UBTF: variants seen among roughly 807,000 people sequenced by gnomAD.
UBTF encodes the protein nucleolar transcription factor 1.
UBTF carries 8 observed loss-of-function variants against 112.3 expected under a neutral mutation model. The observed-to-expected ratio is 0.07, with a 90% CI of 0.04 to 0.13. UBTF has a LOEUF of 0.13. UBTF is among the 10% of genes least tolerant of loss of function. The pLI is 1.00. For missense variants in UBTF, 457 were observed against 982.1 expected (o/e 0.47, Z 7.15); for synonymous variants, 417 against 373.1 (o/e 1.12, Z -1.36).
rs372881472 is a variant in UBTF at position 44,213,204 on chromosome 17, C to A, written c.539+14G>T. 2.3e-5 allele frequency: 37 copies of A among 1,612,212 alleles called. No individual in the cohort carries two copies. The highest frequency in any genetic ancestry group is 2.7e-5 in the Non-Finnish European group (32 of 1,179,016). ...CAGTGCCCCGTGGCCCTCCTCTGGG[C>A]TCCACTGCCTTACCTGAATCGGGCC... On this transcript the variant is annotated intron_variant, in intron 6 of 20. Coordinates refer to ENST00000436088, the MANE Select transcript of UBTF (RefSeq NM_014233.4).
At position 44,211,780 on chromosome 17, in the gene UBTF, G is replaced by C. The variant is rs1395902074; in HGVS notation, c.906-33C>G. 1.3e-6 allele frequency: 2 copies of C among 1,599,932 alleles called. No individual in the cohort carries two copies. The highest frequency in any genetic ancestry group is 1.7e-6 in the Non-Finnish European group (2 of 1,175,114). On this transcript the variant is annotated intron_variant, in intron 9 of 20. Coordinates refer to ENST00000436088, the MANE Select transcript of UBTF (RefSeq NM_014233.4). The surrounding 1 kb of genome is among the most constrained non-coding windows in gnomAD (Gnocchi z 4.9). The stretch of plus-strand genomic sequence containing the variant: ...AGCCGCGGGGAGAGAGGTGCAGCCC[G>C]TAAGCGAGCAGGGCAGCAGGCCTTC...
intron 5 of UBTF, among the ~76,000 whole-genome samples, chr17:44,213,996 C>G (rs904919325): frequency 1.3e-5 from 2 of 152,108 alleles, no homozygotes; most frequent in Non-Finnish European, 2.9e-5. Context: ...TCCCCACTCT[C>G]ACCTCACTCC....
chr17:44,216,368 C>T (rs1017072714), intron 3 of UBTF, 161 bp downstream of exon 3: 29 of 823,840 alleles, frequency 3.5e-5, no homozygotes, highest in Admixed American at 1.6e-4. Flanking sequence ...TGCTGTCAAC[C>T]GTGCCACCTC....
In UBTF at chr17:44,211,810, CT is replaced by C. The variant is rs2056697826; in HGVS notation, c.905+62del. 1.2e-6 allele frequency: 2 copies of C among 1,600,672 alleles called. No individual in the cohort carries two copies. The highest frequency in any genetic ancestry group is 4.5e-5 in the East Asian group (2 of 44,706). On this transcript the variant is annotated intron_variant, in intron 9 of 20. Coordinates refer to ENST00000436088, the MANE Select transcript of UBTF (RefSeq NM_014233.4). The surrounding 1 kb of genome is among the most constrained non-coding windows in gnomAD (Gnocchi z 4.9). ...CGAGCAGGGCAGCAGGCCTTCTCAC[CT>C]GCAGAGCCCAGCCCAACTTCCCAGC...
intron 17 of UBTF, 153 bp downstream of exon 17, chr17:44,209,199 T>C (rs749670144): frequency 2.7e-5 from 20 of 732,190 alleles, no homozygotes; most frequent in Non-Finnish European, 3.1e-5. Context: ...AATAAAAGGG[T>C]GATAGTGACC....
intron 17 of UBTF, 103 bp downstream of exon 17, chr17:44,209,248 TG>T (rs2056495611): frequency 8.2e-7 from 1 of 1,213,336 alleles, no homozygotes; most frequent in Non-Finnish European, 1.1e-6. Flanking sequence ...AATGAAATCA[TG>T]AATGAGACCA....
chr17:44,207,341 G>GTCT lies in UBTF; in HGVS notation c.2193_2195dup (p.Glu731dup), dbSNP rs752520054. The GTCT allele has an allele frequency of 2.2e-4, 362 of 1,612,338 alleles. No individual in the cohort carries two copies. The highest frequency in any genetic ancestry group is 2.9e-4 in the Non-Finnish European group (340 of 1,179,298). ...CATCCTCATCGTCATCCTCGTCGTC[G>GTCT]TCTTCGTCCTCGTCATCCTCTTCAT... On this transcript the variant is annotated inframe_insertion, in exon 21 of 21. Transcript: ENST00000436088.
Position 44,216,532 on chromosome 17 carries a change from A to G in UBTF, c.231T>C (p.Asn77=), listed in dbSNP as rs768664992. 6.2e-7 allele frequency: 1 copy of G among 1,614,050 alleles called. No homozygotes were observed. The highest frequency in any genetic ancestry group is 1.3e-5 in the African/African-American group (1 of 74,928). The change falls in exon 3 of 21, where the codon AAT becomes AAC. Residue 77 remains asparagine, a synonymous_variant. Transcript: ENST00000436088. ...MCKLKWVEIS[N]EVRKFRTLTE... is the part of the protein sequence containing the mutation. ...TCAGAAAAGGGGGATCAGTTACCTC[A>G]TTAGAAATCTCCACCCATTTGAGCT...
intron 17 of UBTF, 177 bp downstream of exon 17, chr17:44,209,173 TAA>T: frequency 2.0e-5 from 11 of 539,718 alleles, no homozygotes; most frequent in South Asian, 3.7e-5. Flanking sequence ...TCTCAAAAAA[TAA>T]AAAAAAAAAT....
At chr17:44,220,083 G>T (rs1343615026), upstream of UBTF, among the ~76,000 whole-genome samples, 2 of 109,612 alleles carry the variant, frequency 1.8e-5, no homozygotes, top group African/African-American at 9.5e-5. Context: ...CGCCGCCGGG[G>T]AAGGGGGGGG....
chr17:44,212,542 C>A (rs1263505258), intron 7 of UBTF, 88 bp from the exon 8 acceptor site: 2 of 1,082,854 alleles, frequency 1.8e-6, no homozygotes, highest in East Asian at 5.1e-5. Flanking sequence ...GCCCCCGCCC[C>A]CTCAGGCCAT....
chr17:44,220,430 C>T (rs774190511), upstream of UBTF, among the ~76,000 whole-genome samples: 5 of 152,104 alleles, frequency 3.3e-5, no homozygotes, highest in African/African-American at 7.2e-5. Context: ...TTGGGGCGCA[C>T]GCACGCCGAT....
At chr17:44,207,821 T>A in intron 18 of UBTF, 43 bp downstream of exon 18, 1 of 1,614,010 alleles carries the variant, frequency 6.2e-7, no homozygotes, top group Non-Finnish European at 8.5e-7. Flanking sequence ...CACCCCTGAA[T>A]TCCCCCACCC....
In UBTF at chr17:44,219,462, C is replaced by T. The variant is rs938311066; in HGVS notation, c.-85G>A. ...TCGGTTACCCGGCGCAGCGCGGCCTCCGGGCTTCCCGCTCCAGCGGCTCCC... is the reference window on the plus strand; with the variant it reads ...TCGGTTACCCGGCGCAGCGCGGCCTTCGGGCTTCCCGCTCCAGCGGCTCCC... On this transcript the variant is annotated 5_prime_UTR_variant, in exon 1 of 21. Coordinates refer to ENST00000436088, the MANE Select transcript of UBTF (RefSeq NM_014233.4). 1 of 152,404 alleles carries T rather than the reference C, an allele frequency of 6.6e-6. No individual in the cohort carries two copies. Among genetic ancestry groups the T allele is most frequent in the Non-Finnish European group, 1.5e-5 (1 of 67,970 alleles). 9.4% of individuals were successfully genotyped at this position (152,404 alleles called of 1,614,324 possible).
intron 7 of UBTF, 88 bp downstream of exon 7, chr17:44,212,723 TCCTGCTCC>T (rs1022216786): frequency 1.3e-6 from 2 of 1,563,250 alleles, no homozygotes; most frequent in African/African-American, 2.7e-5. Context: ...GGGCCTCCTC[TCCTGCTCC>T]CCTGCACCGT....
chr17:44,211,439 G>A lies in UBTF; in HGVS notation c.1048-108C>T. On this transcript the variant is annotated intron_variant, in intron 10 of 20. Coordinates refer to ENST00000436088, the MANE Select transcript of UBTF (RefSeq NM_014233.4). This position sits in a 1 kb window ranked among gnomAD's most constrained non-coding sequence, Gnocchi z 4.9. ...GCGGGCCTCCAGAGCCTGGGTGTGG[G>A]CTGGACTCCCTGCCTGGACGGGCTC... The A allele has an allele frequency of 6.4e-7, 1 of 1,569,574 alleles. No homozygotes were observed. The highest frequency in any genetic ancestry group is 8.7e-7 in the Non-Finnish European group (1 of 1,144,984).
rs1055126035 is a variant in UBTF at position 44,207,299 on chromosome 17, C to G, written c.2238G>C (p.Glu746Asp). The G allele has an allele frequency of 1.2e-6, 2 of 1,613,144 alleles. No homozygotes were observed. The highest frequency in any genetic ancestry group is 8.5e-7 in the Non-Finnish European group (1 of 1,179,676). The part of the protein sequence containing the change: ...DDDEDEDNES[E>D]GSSSSSSSSG... ...AGGAGGAGGAGCTGGAGCTGCTGCC[C>G]TCGGACTCATTATCTTCATCCTCAT... Residue 746 changes from glutamate to aspartate, a missense_variant, in exon 21 of 21, where the codon GAG becomes GAC. Glu to Asp is a conservative substitution (Grantham distance 45). Coordinates refer to ENST00000436088, the MANE Select transcript of UBTF (RefSeq NM_014233.4).
At chr17:44,216,837 A>G (rs1227636535) in intron 2 of UBTF, 133 bp from the exon 3 acceptor site, 3 of 833,866 alleles carry the variant, frequency 3.6e-6, no homozygotes, top group African/African-American at 1.7e-5. Flanking sequence ...GAAGGCACAG[A>G]CAAGATATGG....
chr17:44,210,468 C>T lies in UBTF; in HGVS notation c.1365G>A (p.Lys455=), dbSNP rs34269581. The part of the protein sequence containing the change: ...WNDLSEKKKA[K]YKAREAALKA... ...TGAGCGCCGCCTCTCGGGCCTTGTA[C>T]TTGGCCTGCGGGGATGGCCCGGGCG... Residue 455 remains lysine (K), a synonymous_variant, in exon 14 of 21, where the codon AAG becomes AAA. Coordinates refer to ENST00000436088, the MANE Select transcript of UBTF (RefSeq NM_014233.4). 762 of 1,606,768 alleles carry T rather than the reference C, an allele frequency of 4.7e-4. 4 individuals are homozygous for T. In the African/African-American group the frequency reaches 9.1e-3, roughly 19 times the overall value.
Sources: gnomAD v4.1 joint callset for allele counts (sites outside exome capture counted in the v4.1 genomes callset) on GRCh38, gnomAD v4.1.1 for gene constraint, Gnocchi (gnomAD v3.1) non-coding constraint, MANE v1.5 for transcripts, NCBI Gene and HGNC (gene_info 2026-07-23, HGNC 2026-07-21) for gene names.